EPHB1: variants seen among roughly 807,000 people sequenced by gnomAD.
EPHB1 encodes EPH receptor B1.
EPHB1 carries 30 observed loss-of-function variants against 94.4 expected under a neutral mutation model. The ratio of observed to expected loss-of-function variants is 0.32; its 90% CI spans 0.24 to 0.43. The LOEUF (loss-of-function observed/expected upper bound fraction) is 0.43. Ranked by LOEUF, EPHB1 falls within the 20% of genes least tolerant of loss-of-function variation. The pLI, the probability that EPHB1 is intolerant of heterozygous loss-of-function variation, is 1.00. For synonymous variants in EPHB1, 522 were observed against 489.1 expected (o/e 1.07, Z -0.89); for missense variants, 1,055 against 1,308.3 (o/e 0.81, Z 2.99).
chr3:135,194,637 A>C lies in EPHB1; in HGVS notation c.2130+1814A>C, dbSNP rs143768716. Among the ~76,000 whole-genome samples, 143 of 152,306 alleles carry C rather than the reference A, an allele frequency of 9.4e-4. 1 individual carries two copies. Among genetic ancestry groups the C allele is most frequent in the Admixed American group, 7.8e-3 (120 of 15,304 alleles). On this transcript the variant is annotated intron_variant, in intron 11 of 15. Transcript: ENST00000398015. ...AGCTGGGGGACTTGTCTAGAAGCACACTACTGAAGCTACCTTTGTACAACA... is the reference window on the plus strand; with the variant it reads ...AGCTGGGGGACTTGTCTAGAAGCACCCTACTGAAGCTACCTTTGTACAACA...
intron 1 of EPHB1, among the ~76,000 whole-genome samples, chr3:134,802,686 T>C (rs552019460): frequency 6.6e-6 from 1 of 152,300 alleles, no homozygotes; most frequent in South Asian, 2.1e-4. Flanking sequence ...CCATGTAGCA[T>C]TATCTGCCAG....
In EPHB1 at chr3:135,175,927, A is replaced by G. The variant is rs914877765; in HGVS notation, c.1760-3933A>G. Reference sequence around the variant, plus strand: ...CATTGCACTAAACACCATTTTCCTGATAATTAAAAACTGCTCACTGGCAAG... The same window carrying G: ...CATTGCACTAAACACCATTTTCCTGGTAATTAAAAACTGCTCACTGGCAAG... On this transcript the variant is annotated intron_variant, in intron 9 of 15. Transcript: ENST00000398015. 3.9e-5 allele frequency among the ~76,000 whole-genome samples: 6 copies of G among 152,304 alleles called. No homozygotes were observed. In the South Asian group the frequency reaches 1.0e-3, roughly 26 times the overall value.
rs563679344 is a variant in EPHB1, at chr3:135,093,306, C to T, written c.806-13142C>T. Among the ~76,000 whole-genome samples, 55 of 152,308 alleles carry T rather than the reference C, an allele frequency of 3.6e-4. No homozygotes were observed. In the South Asian group the frequency reaches 8.9e-3, roughly 25 times the overall value. On this transcript the variant is annotated intron_variant, in intron 3 of 15. Coordinates refer to ENST00000398015, the MANE Select transcript of EPHB1 (RefSeq NM_004441.5). ...CTGTGCCAACTCCCAGGCCACTCCCCGCACTCCACTGCCCTCTCTGCCTTG... is the reference window on the plus strand; with the variant it reads ...CTGTGCCAACTCCCAGGCCACTCCCTGCACTCCACTGCCCTCTCTGCCTTG...
intron 4 of EPHB1, among the ~76,000 whole-genome samples, chr3:135,112,261 GGCT>G (rs1206473131): frequency 6.6e-6 from 1 of 152,216 alleles, no homozygotes; most frequent in African/African-American, 2.4e-5. Context: ...AAAACTCTGA[GGCT>G]GCTGCTGCAG....
chr3:134,996,787 C>A (rs193293141), intron 3 of EPHB1, among the ~76,000 whole-genome samples: 120 of 151,970 alleles, frequency 7.9e-4, no homozygotes, highest in Non-Finnish European at 1.3e-3. Context: ...ATTTGTATTT[C>A]TTCTATCTTG....
intron 3 of EPHB1, among the ~76,000 whole-genome samples, chr3:135,083,257 T>C (rs1463284582): frequency 2.6e-5 from 4 of 152,090 alleles, no homozygotes; most frequent in African/African-American, 7.2e-5. Context: ...GAAAGGGCAC[T>C]GTCAGATCTG....
At position 134,807,190 on chromosome 3, in the gene EPHB1, C is replaced by T. The variant is rs373570871; in HGVS notation, c.58+11501C>T. 1.3e-3 allele frequency among the ~76,000 whole-genome samples: 204 copies of T among 152,228 alleles called. 2 individuals are homozygous for T. The South Asian group carries it at 0.035, about 26-fold the overall frequency. On this transcript the variant is annotated intron_variant, in intron 1 of 15. Transcript: ENST00000398015. ...AAATGGGGAGTGAGAGCAGAGAGACCGAACTGCCAGCACTGCCTAGGAGCC... is the reference window on the plus strand; with the variant it reads ...AAATGGGGAGTGAGAGCAGAGAGACTGAACTGCCAGCACTGCCTAGGAGCC...
intron 3 of EPHB1, among the ~76,000 whole-genome samples, chr3:134,963,838 A>G (rs1044787548): frequency 6.6e-6 from 1 of 152,252 alleles, no homozygotes; most frequent in African/African-American, 2.4e-5. Context: ...AAGAAAAGTC[A>G]TCAGAATTTG....
At chr3:135,197,415 T>C (rs1201703207) in intron 11 of EPHB1, among the ~76,000 whole-genome samples, 1 of 152,228 alleles carries the variant, frequency 6.6e-6, no homozygotes, top group East Asian at 1.9e-4. Context: ...AAGGTTCTGC[T>C]TTGGCTTCTG....
intron 1 of EPHB1, among the ~76,000 whole-genome samples, chr3:134,833,741 G>A: frequency 6.6e-6 from 1 of 152,162 alleles, no homozygotes; most frequent in East Asian, 1.9e-4. Context: ...GCATGAGGAG[G>A]TGAAGAGCAG....
intron 3 of EPHB1, among the ~76,000 whole-genome samples, chr3:135,011,428 T>C (rs1241603350): frequency 6.6e-6 from 1 of 152,232 alleles, no homozygotes; most frequent in African/African-American, 2.4e-5. Flanking sequence ...GAAGCCTTTC[T>C]TCTGTGTGTT....
At chr3:135,011,236 G>C (rs1935611674) in intron 3 of EPHB1, among the ~76,000 whole-genome samples, 1 of 152,126 alleles carries the variant, frequency 6.6e-6, no homozygotes, top group African/African-American at 2.4e-5. Context: ...GCATTGCAGT[G>C]GTCAGTTTTA....
chr3:134,901,348 CTTCTTATTTT>C (rs2038200582), intron 1 of EPHB1, among the ~76,000 whole-genome samples: 1 of 152,170 alleles, frequency 6.6e-6, no homozygotes, highest in Non-Finnish European at 1.5e-5. Context: ...CTCCTTCGCC[CTTCTTATTTT>C]TTCTTATTTT....
intron 3 of EPHB1, among the ~76,000 whole-genome samples, chr3:135,103,986 T>G (rs1939118076): frequency 6.6e-6 from 1 of 152,220 alleles, no homozygotes; most frequent in Non-Finnish European, 1.5e-5. Context: ...AAATGTAAAG[T>G]GAGGAGGCTT....
intron 2 of EPHB1, among the ~76,000 whole-genome samples, chr3:134,944,598 T>C (rs955891853): frequency 1.3e-5 from 2 of 152,242 alleles, no homozygotes; most frequent in African/African-American, 4.8e-5. Context: ...ATGGTTTCTC[T>C]TTCCACTAGG....
Position 134,925,724 on chromosome 3 carries a change from T to A in EPHB1, c.59-92T>A, listed in dbSNP as rs1347622301. 4.6e-6 allele frequency: 5 copies of A among 1,084,674 alleles called. No homozygotes were observed. In the African/African-American group the frequency reaches 8.1e-5, roughly 17 times the overall value. The allele number at this position is 1,084,674 out of a possible 1,614,324, so 67.2% of individuals were successfully genotyped here. A position where few individuals can be genotyped will look rare whatever the true frequency, so the allele number is the denominator to read the frequency against. On this transcript the variant is annotated intron_variant, in intron 1 of 15. Transcript: ENST00000398015. ...CTCCTTGTAGTACTGTCATTTACTATCACAAACAACTTCGTGACCTTGAGG... is the reference window on the plus strand; with the variant it reads ...CTCCTTGTAGTACTGTCATTTACTAACACAAACAACTTCGTGACCTTGAGG...
At chr3:135,217,175 T>C (rs1030797482) in intron 12 of EPHB1, among the ~76,000 whole-genome samples, 10 of 152,066 alleles carry the variant, frequency 6.6e-5, no homozygotes, top group African/African-American at 2.2e-4. Flanking sequence ...CCTTCTTGGC[T>C]TTGACACAGC....
At chr3:134,832,360 G>A (rs2036596267) in intron 1 of EPHB1, among the ~76,000 whole-genome samples, 2 of 152,178 alleles carry the variant, frequency 1.3e-5, no homozygotes, top group Admixed American at 1.3e-4. Flanking sequence ...CTGGGAGCAA[G>A]GCAATGGCAA....
intron 3 of EPHB1, among the ~76,000 whole-genome samples, chr3:134,982,582 G>A (rs1177542904): frequency 6.6e-6 from 1 of 152,138 alleles, no homozygotes; most frequent in African/African-American, 2.4e-5. Context: ...GTCTCATTAC[G>A]CTGAAGAGGT....
Sources: gnomAD v4.1 joint callset for allele counts (sites outside exome capture counted in the v4.1 genomes callset) on GRCh38, gnomAD v4.1.1 for gene constraint, MANE v1.5 for transcripts, NCBI Gene and HGNC (gene_info 2026-07-23, HGNC 2026-07-21) for gene names.